The following MEF2C variants were observed in gnomAD, a reference collection of about 807,000 sequenced individuals.
The protein encoded by MEF2C is myocyte-specific enhancer factor 2C.
MEF2C carries 6 observed loss-of-function variants against 50.5 expected under a neutral mutation model. The observed-to-expected ratio is 0.12, with a 90% confidence interval of 0.07 to 0.23. MEF2C has a LOEUF of 0.23. Among genes scored for constraint, MEF2C ranks in the 10% least tolerant of loss-of-function variants. The pLI is 1.00. For synonymous variants in MEF2C, 183 were observed against 228.0 expected (o/e 0.80, Z 1.78); for missense variants, 276 against 605.0 (o/e 0.46, Z 5.70).
At chr5:88,849,709 C>G (rs1324178388) in intron 1 of MEF2C, among the ~76,000 whole-genome samples, 2 of 152,082 alleles carry the variant, frequency 1.3e-5, no homozygotes, top group African/African-American at 4.8e-5. Flanking sequence ...CCAGTATACT[C>G]TAGATCCATT....
chr5:88,782,948 G>T (rs527564826), intron 3 of MEF2C, among the ~76,000 whole-genome samples: 2 of 152,166 alleles, frequency 1.3e-5, no homozygotes, highest in Non-Finnish European at 2.9e-5. Flanking sequence ...TTATTTATGT[G>T]AATATTCTCT....
At chr5:88,863,785 T>C (rs553767680) in intron 1 of MEF2C, among the ~76,000 whole-genome samples, 1 of 152,208 alleles carries the variant, frequency 6.6e-6, no homozygotes, top group Non-Finnish European at 1.5e-5. Flanking sequence ...GTAATGTCTT[T>C]TAGGTTCATT....
intron 3 of MEF2C, among the ~76,000 whole-genome samples, chr5:88,777,432 G>T (rs185632880): frequency 6.6e-6 from 1 of 152,200 alleles, no homozygotes; most frequent in East Asian, 1.9e-4. Flanking sequence ...GGCACACAGT[G>T]GCCCAAGAAC....
At chr5:88,745,765 A>C (rs1440820817) in intron 6 of MEF2C, among the ~76,000 whole-genome samples, 1 of 152,218 alleles carries the variant, frequency 6.6e-6, no homozygotes, top group East Asian at 1.9e-4. Flanking sequence ...CAGTGAGCCT[A>C]GATCGTGCCA....
chr5:88,722,543 T>G lies in MEF2C; in HGVS notation c.*61A>C. The G allele has an allele frequency of 7.0e-7, 1 of 1,429,086 alleles. No individual in the cohort carries two copies. The highest frequency in any genetic ancestry group is 9.5e-7 in the Non-Finnish European group (1 of 1,049,216). The allele number at this position is 1,429,086 out of a possible 1,614,324, so 88.5% of individuals were successfully genotyped here. A position where few individuals can be genotyped will look rare whatever the true frequency, so the allele number is the denominator to read the frequency against. ...ATGCATATCGACCCCCCTTCCCCAT[T>G]AAGGTATAGCACACACACACACTGC... On this transcript the variant is annotated 3_prime_UTR_variant, in exon 11 of 11. Coordinates refer to ENST00000504921, the MANE Select transcript of MEF2C (RefSeq NM_002397.5).
chr5:88,752,113 GC>G, intron 4 of MEF2C, 70 bp from the exon 5 acceptor site: 1 of 1,375,190 alleles, frequency 7.3e-7, no homozygotes, highest in Non-Finnish European at 9.7e-7. Context: ...AAGACAGACA[GC>G]CCTTATTTTT....
At chr5:88,792,314 T>A (rs1321318196) in intron 3 of MEF2C, among the ~76,000 whole-genome samples, 1 of 152,146 alleles carries the variant, frequency 6.6e-6, no homozygotes, top group Non-Finnish European at 1.5e-5. Flanking sequence ...GCAAGTGCTT[T>A]CTGACCAGAT....
At chr5:88,818,877 A>C (rs1194405154) in intron 2 of MEF2C, among the ~76,000 whole-genome samples, 2 of 152,066 alleles carry the variant, frequency 1.3e-5, no homozygotes, top group Non-Finnish European at 2.9e-5. Context: ...TTTGATAGAA[A>C]TCACATTAAC....
intron 1 of MEF2C, among the ~76,000 whole-genome samples, chr5:88,857,066 GC>G (rs1823694269): frequency 6.6e-6 from 1 of 152,188 alleles, no homozygotes; most frequent in African/African-American, 2.4e-5. Flanking sequence ...GGGCTGGGGG[GC>G]TATACCCTGC....
intron 3 of MEF2C, among the ~76,000 whole-genome samples, chr5:88,766,313 T>G (rs1001110709): frequency 2.0e-5 from 3 of 152,194 alleles, no homozygotes; most frequent in East Asian, 1.9e-4. Context: ...ATTTCTTGTT[T>G]TAGGCATTAC....
intron 1 of MEF2C, among the ~76,000 whole-genome samples, chr5:88,876,718 G>A (rs535197288): frequency 1.3e-5 from 2 of 151,914 alleles, no homozygotes; most frequent in South Asian, 4.2e-4. Flanking sequence ...AGAATCACAG[G>A]TGTGAAAAAA....
chr5:88,815,298 C>A (rs1804802203), intron 2 of MEF2C, among the ~76,000 whole-genome samples: 2 of 152,174 alleles, frequency 1.3e-5, no homozygotes, highest in South Asian at 4.1e-4. Context: ...TAACTTCTTC[C>A]TTTCCACAAT....
chr5:88,838,537 A>T (rs776165211), intron 1 of MEF2C: 1 of 983,616 alleles, frequency 1.0e-6, no homozygotes, highest in Non-Finnish European at 1.2e-6. Flanking sequence ...TTCACTTATG[A>T]TGAAGTTAAG....
intron 1 of MEF2C, among the ~76,000 whole-genome samples, chr5:88,894,870 G>C (rs1301703073): frequency 6.6e-6 from 1 of 152,082 alleles, no homozygotes; most frequent in Non-Finnish European, 1.5e-5. Context: ...GTATAAAATG[G>C]GCAGCGGAGG....
At chr5:88,889,537 C>G (rs1181761110) in intron 1 of MEF2C, 1 of 153,608 alleles carries the variant, frequency 6.5e-6, no homozygotes, top group Non-Finnish European at 1.4e-5. Flanking sequence ...CTGGGCCCTC[C>G]TGGGGACCTG....
chr5:88,786,963 G>A (rs1016358017), intron 3 of MEF2C, among the ~76,000 whole-genome samples: 1 of 152,158 alleles, frequency 6.6e-6, no homozygotes, highest in African/African-American at 2.4e-5. Flanking sequence ...CATAATCACA[G>A]ATGCATCACC....
intron 1 of MEF2C, 153 bp from the exon 2 acceptor site, chr5:88,824,083 C>A: frequency 1.1e-6 from 1 of 891,260 alleles, no homozygotes; most frequent in South Asian, 4.9e-5. Context: ...TATGGTATAT[C>A]ACAGACAGGA....
intron 3 of MEF2C, among the ~76,000 whole-genome samples, chr5:88,778,663 T>C (rs1786129727): frequency 6.6e-6 from 1 of 152,154 alleles, no homozygotes; most frequent in South Asian, 2.1e-4. Context: ...TTGAAAAACA[T>C]GCACATAACA....
At chr5:88,755,042 A>G (rs959495610) in intron 4 of MEF2C, among the ~76,000 whole-genome samples, 4 of 151,272 alleles carry the variant, frequency 2.6e-5, no homozygotes, top group African/African-American at 9.7e-5. Context: ...CCTTGCCCAT[A>G]TCCTGATCTC....
Sources: gnomAD v4.1 joint callset for allele counts (sites outside exome capture counted in the v4.1 genomes callset) on GRCh38, gnomAD v4.1.1 for gene constraint, MANE v1.5 for transcripts, NCBI Gene and HGNC (gene_info 2026-07-23, HGNC 2026-07-21) for gene names.